The following MAPK10 variants were observed in gnomAD, a reference collection of about 807,000 sequenced individuals.
MAPK10 encodes the protein mitogen-activated protein kinase 10, also known as JNK3 alpha protein kinase.
MAPK10 carries 25 observed loss-of-function variants against 59.3 expected under a neutral mutation model. That is an observed-to-expected ratio of 0.42 (90% CI 0.31 to 0.59). The LOEUF is 0.59. Ranked by LOEUF, MAPK10 falls within the 20% of genes least tolerant of loss-of-function variation. MAPK10 has a pLI of 0.15. For synonymous variants in MAPK10, 190 were observed against 200.5 expected, an observed-to-expected ratio of 0.95 and a Z score of 0.44; for missense variants, 351 against 568.9, an observed-to-expected ratio of 0.62 and a Z score of 3.90.
chr4:86,576,151 C>T (rs1761871486), intron 1 of MAPK10, among the ~76,000 whole-genome samples: 1 of 151,838 alleles, frequency 6.6e-6, no homozygotes, highest in Non-Finnish European at 1.5e-5. Flanking sequence ...GCCATCATGC[C>T]CAGGTAATAC....
At chr4:86,204,798 T>C (rs1035688816) in intron 2 of MAPK10, among the ~76,000 whole-genome samples, 1 of 152,076 alleles carries the variant, frequency 6.6e-6, no homozygotes, top group African/African-American at 2.4e-5. Flanking sequence ...GTAGACACTA[T>C]GCATGGCTTA....
chr4:86,265,698 T>C (rs559344993), intron 2 of MAPK10, among the ~76,000 whole-genome samples: 3 of 152,212 alleles, frequency 2.0e-5, no homozygotes, highest in South Asian at 4.2e-4. Flanking sequence ...ATGTAAAGGA[T>C]AGGAAAATGC....
chr4:86,321,847 CTTTTAAAT>C (rs1228573150), intron 2 of MAPK10: 1 of 151,854 alleles, frequency 6.6e-6, no homozygotes, highest in East Asian at 1.9e-4. Context: ...AACATACCTC[CTTTTAAAT>C]TTTTAAATTT....
At chr4:86,403,154 G>T (rs1743933345) in intron 1 of MAPK10, among the ~76,000 whole-genome samples, 1 of 152,150 alleles carries the variant, frequency 6.6e-6, no homozygotes, top group Admixed American at 6.5e-5. Flanking sequence ...TGTGTTCCTG[G>T]TGCTGGATGA....
intron 9 of MAPK10, among the ~76,000 whole-genome samples, chr4:86,083,006 C>A (rs1351559607): frequency 1.3e-5 from 2 of 152,146 alleles, no homozygotes; most frequent in Non-Finnish European, 2.9e-5. Context: ...AGACTTGGCA[C>A]ATATACTTAA....
chr4:86,030,303 T>A (rs2038714022), intron 12 of MAPK10, among the ~76,000 whole-genome samples: 1 of 152,084 alleles, frequency 6.6e-6, no homozygotes, highest in Non-Finnish European at 1.5e-5. Context: ...TAGTATCTTT[T>A]AAAATTTTTT....
chr4:86,135,439 C>G (rs1026422378), intron 4 of MAPK10, among the ~76,000 whole-genome samples: 1 of 152,180 alleles, frequency 6.6e-6, no homozygotes, highest in African/African-American at 2.4e-5. Flanking sequence ...TGAAACCTCA[C>G]ACGGCAGGGT....
intron 2 of MAPK10, among the ~76,000 whole-genome samples, chr4:86,280,781 C>T (rs1056627683): frequency 1.3e-5 from 2 of 152,084 alleles, no homozygotes; most frequent in African/African-American, 4.8e-5. Flanking sequence ...AGAACAAAAT[C>T]GTGTCCTTTG....
chr4:86,533,743 G>C (rs980652076), intron 1 of MAPK10, among the ~76,000 whole-genome samples: 7 of 152,198 alleles, frequency 4.6e-5, no homozygotes, highest in African/African-American at 7.2e-5. Flanking sequence ...AAGTGTATTA[G>C]TGGTTTGGAG....
At chr4:86,507,651 T>TAC (rs1755876092) in intron 1 of MAPK10, among the ~76,000 whole-genome samples, 3 of 89,122 alleles carry the variant, frequency 3.4e-5, no homozygotes, top group African/African-American at 4.3e-5. Context: ...TATATATATA[T>TAC]ATATATATAT....
intron 1 of MAPK10, among the ~76,000 whole-genome samples, chr4:86,541,253 G>A (rs1253922673): frequency 1.3e-5 from 2 of 152,178 alleles, no homozygotes; most frequent in Non-Finnish European, 1.5e-5. Flanking sequence ...AAAGCCAGGG[G>A]TAGTTGGTTC....
intron 13 of MAPK10, chr4:86,023,985 A>C (rs1190481500): frequency 6.6e-6 from 1 of 151,646 alleles, no homozygotes; most frequent in Non-Finnish European, 1.5e-5. Flanking sequence ...AACTTTAAAA[A>C]GTTTTAAAAT....
intron 9 of MAPK10, chr4:86,098,272 A>G (rs1252269814): frequency 2.9e-6 from 1 of 341,516 alleles, no homozygotes; most frequent in Non-Finnish European, 5.2e-6. Flanking sequence ...GAAAAATAGC[A>G]TTTCTATTTT....
chr4:86,147,299 G>T (rs2065241634), intron 4 of MAPK10, among the ~76,000 whole-genome samples: 1 of 152,052 alleles, frequency 6.6e-6, no homozygotes, highest in South Asian at 2.1e-4. Flanking sequence ...TGTTGCTCAG[G>T]CTGGTCTCAA....
At chr4:86,108,598 G>T (rs1488482322) in intron 4 of MAPK10, among the ~76,000 whole-genome samples, 1 of 152,078 alleles carries the variant, frequency 6.6e-6, no homozygotes, top group African/African-American at 2.4e-5. Flanking sequence ...TCTAAAATAT[G>T]TCCATGAAAA....
chr4:86,211,623 G>C (rs983788894), intron 2 of MAPK10, among the ~76,000 whole-genome samples: 1 of 151,902 alleles, frequency 6.6e-6, no homozygotes, highest in Non-Finnish European at 1.5e-5. Context: ...AACTATATGA[G>C]GAAGTAAAAA....
intron 2 of MAPK10, among the ~76,000 whole-genome samples, chr4:86,311,072 A>C (rs1215864064): frequency 6.6e-6 from 1 of 151,714 alleles, no homozygotes; most frequent in Non-Finnish European, 1.5e-5. Flanking sequence ...ACACACATAC[A>C]TGCACCCCAA....
At chr4:86,418,228 T>C (rs975304267) in intron 1 of MAPK10, among the ~76,000 whole-genome samples, 1 of 152,184 alleles carries the variant, frequency 6.6e-6, no homozygotes, top group Non-Finnish European at 1.5e-5. Flanking sequence ...AGCATGTACC[T>C]AAGAAAAAAC....
intron 1 of MAPK10, among the ~76,000 whole-genome samples, chr4:86,556,405 C>T (rs1760271953): frequency 6.6e-6 from 1 of 152,004 alleles, no homozygotes; most frequent in Admixed American, 6.6e-5. Flanking sequence ...TTCTAGATAT[C>T]ATAATAAGCC....
Sources: allele counts gnomAD v4.1 joint callset (sites outside exome capture counted in the v4.1 genomes callset), GRCh38; gene constraint gnomAD v4.1.1; transcripts MANE v1.5; gene names NCBI Gene and HGNC (gene_info 2026-07-23, HGNC 2026-07-21).